ZNF547: variants seen among roughly 807,000 people sequenced by gnomAD.
ZNF547 encodes the protein zinc finger protein 547.
ZNF547 carries 4 observed loss-of-function variants against 7.7 expected under a neutral mutation model. That is an observed-to-expected ratio of 0.52 (90% CI 0.26 to 1.20). ZNF547 has a LOEUF of 1.20. Among genes scored for constraint, ZNF547 ranks in the 50% most tolerant of loss-of-function variants. The pLI, the probability that ZNF547 is intolerant of heterozygous loss-of-function variation, is 0.14. For synonymous variants in ZNF547, 166 were observed against 166.2 expected, an observed-to-expected ratio of 1.00 and a Z score of 0.01; for missense variants, 449 against 485.8, an observed-to-expected ratio of 0.92 and a Z score of 0.71.
At position 57,377,315 on chromosome 19, in the gene ZNF547, ACT is replaced by A. The variant is rs754538745; in HGVS notation, c.340_341del (p.Leu114ValfsTer16). On this transcript the variant is annotated frameshift_variant, in exon 4 of 4. Coordinates refer to ENST00000282282, the MANE Select transcript of ZNF547 (RefSeq NM_173631.4). LOFTEE classifies it low-confidence loss of function (END_TRUNC). ...EHDGTHPEQGLYTCPAHLHQH... is the reference protein window; with the variant it reads ...EHDGTHPEQGXYTCPAHLHQH... ...ATGACGGAACACACCCCGAGCAGGGACTGTACACGTGTCCAGCACATCTTCAC... is the reference window on the plus strand; with the variant it reads ...ATGACGGAACACACCCCGAGCAGGGAGTACACGTGTCCAGCACATCTTCAC... The A allele has an allele frequency of 4.3e-6, 7 of 1,614,092 alleles. No individual in the cohort carries two copies. The highest frequency in any genetic ancestry group is 5.9e-6 in the Non-Finnish European group (7 of 1,180,044).
At chr19:57,365,008 A>G in intron 1 of ZNF547, 1 of 1,612,628 alleles carries the variant, frequency 6.2e-7, no homozygotes, top group Non-Finnish European at 8.5e-7. Flanking sequence ...GTCGAACAAC[A>G]TGTACTTGAA....
chr19:57,365,010 G>A lies in ZNF547; in HGVS notation c.-13+1307G>A, dbSNP rs1425586092. On this transcript the variant is annotated intron_variant, in intron 1 of 3. Coordinates refer to ENST00000282282, the MANE Select transcript of ZNF547 (RefSeq NM_173631.4). ...AGAACATGTGGCTGTCGAACAACAT[G>A]TACTTGAAAACTGTGGACAAGTTCA... The A allele has an allele frequency of 3.1e-6, 5 of 1,612,622 alleles. No individual in the cohort carries two copies. In the South Asian group the frequency reaches 5.5e-5, roughly 18 times the overall value.
intron 3 of ZNF547, among the ~76,000 whole-genome samples, chr19:57,373,553 A>C (rs561734643): frequency 1.3e-5 from 2 of 151,886 alleles, no homozygotes; most frequent in South Asian, 4.2e-4. Context: ...CCAAAGTCTC[A>C]TCTGAGATGA....
intron 3 of ZNF547, among the ~76,000 whole-genome samples, chr19:57,373,344 C>T (rs1269804669): frequency 6.6e-6 from 1 of 152,124 alleles, no homozygotes; most frequent in Non-Finnish European, 1.5e-5. Context: ...TCCACCTGGT[C>T]CCACCCTTGA....
chr19:57,376,786 C>T (rs375201044), intron 3 of ZNF547, among the ~76,000 whole-genome samples: 1 of 152,058 alleles, frequency 6.6e-6, no homozygotes, highest in Non-Finnish European at 1.5e-5. Flanking sequence ...TAATCCTAAA[C>T]GAGTCCTGTT....
chr19:57,367,750 CTT>C (rs1457866267), intron 1 of ZNF547, among the ~76,000 whole-genome samples: 1 of 152,188 alleles, frequency 6.6e-6, no homozygotes, highest in Non-Finnish European at 1.5e-5. Context: ...CAGGGCCACT[CTT>C]TGTGGGAAAA....
rs1313262180 is a variant in ZNF547, at chr19:57,379,078, A to G, written c.*893A>G. The G allele has an allele frequency of 1.8e-5, 3 of 168,138 alleles. No individual in the cohort carries two copies. The highest frequency in any genetic ancestry group is 3.8e-5 in the Non-Finnish European group (3 of 78,242). 10.4% of individuals were successfully genotyped at this position (168,138 alleles called of 1,614,324 possible). A position where few individuals can be genotyped will look rare whatever the true frequency, so the allele number is the denominator to read the frequency against. ...CACATTTCCTTTATTTCTGACATCT[A>G]TTCATGGACACTTGGGTTACTTCTA... is the stretch of plus-strand genomic sequence containing the variant. On this transcript the variant is annotated 3_prime_UTR_variant, in exon 4 of 4. Transcript: ENST00000282282.
In ZNF547 at chr19:57,368,607, C is replaced by T. The variant is rs781229637; in HGVS notation, c.24+28C>T. ...GAGTGGAGTGTTTTCTACCTTTCAC[C>T]TACCAGTTATCTCATAGATGGTTTT... On this transcript the variant is annotated intron_variant, in intron 2 of 3. Transcript: ENST00000282282. 3.1e-6 allele frequency: 5 copies of T among 1,613,004 alleles called. No individual in the cohort carries two copies. In the South Asian group the frequency reaches 4.4e-5, roughly 14 times the overall value.
intron 3 of ZNF547, 127 bp from the exon 4 acceptor site, chr19:57,376,998 CAGT>C: frequency 1.1e-6 from 1 of 918,566 alleles, no homozygotes; most frequent in South Asian, 1.8e-5. Context: ...TGGCCTGCCA[CAGT>C]ACCAGGGTTC....
At chr19:57,368,650 A>C in intron 2 of ZNF547, 71 bp downstream of exon 2, 2 of 1,470,614 alleles carry the variant, frequency 1.4e-6, no homozygotes, top group Non-Finnish European at 1.9e-6. Flanking sequence ...CCATGTAAAG[A>C]AAAGTGGTGT....
At chr19:57,374,340 C>T (rs1482863957) in intron 3 of ZNF547, among the ~76,000 whole-genome samples, 1 of 152,140 alleles carries the variant, frequency 6.6e-6, no homozygotes, top group Non-Finnish European at 1.5e-5. Flanking sequence ...GACCCAGGGC[C>T]AGCAGCTGGG....
Position 57,379,451 on chromosome 19 carries a change from T to A in ZNF547, c.*1266T>A, listed in dbSNP as rs1355285580. The A allele has an allele frequency of 6.6e-6, 1 of 152,212 alleles. No individual in the cohort carries two copies. Among genetic ancestry groups the A allele is most frequent in the Non-Finnish European group, 1.5e-5 (1 of 68,032 alleles). 9.4% of individuals were successfully genotyped at this position (152,212 alleles called of 1,614,324 possible). A position where few individuals can be genotyped will look rare whatever the true frequency, so the allele number is the denominator to read the frequency against. Reference sequence around the variant, plus strand: ...GCAGAGCTTCTCTGTAAATACCCCTTGTTTCTATGTTCTATCCTGTGAGCC... The same window carrying A: ...GCAGAGCTTCTCTGTAAATACCCCTAGTTTCTATGTTCTATCCTGTGAGCC... On this transcript the variant is annotated 3_prime_UTR_variant, in exon 4 of 4. Transcript: ENST00000282282.
At chr19:57,363,950 G>A (rs551048190) in intron 1 of ZNF547, 1 of 152,584 alleles carries the variant, frequency 6.6e-6, no homozygotes, top group African/African-American at 2.4e-5. Context: ...GTTTCTGCGG[G>A]AAAGAGAGGG....
intron 1 of ZNF547, 113 bp from the exon 2 acceptor site, chr19:57,368,431 A>T (rs2088484199): frequency 1.1e-6 from 1 of 941,390 alleles, no homozygotes; most frequent in African/African-American, 1.6e-5. Context: ...GAGTTTATAC[A>T]ATCAACTTGA....
chr19:57,364,312 G>A (rs1221959491), intron 1 of ZNF547: 2 of 155,356 alleles, frequency 1.3e-5, no homozygotes, highest in African/African-American at 4.8e-5. Flanking sequence ...AGCATGAGAA[G>A]TAGGTTTCAT....
chr19:57,378,547 T>G lies in ZNF547; in HGVS notation c.*362T>G. On this transcript the variant is annotated 3_prime_UTR_variant, in exon 4 of 4. Coordinates refer to ENST00000282282, the MANE Select transcript of ZNF547 (RefSeq NM_173631.4). ...GAGTACAGCAAATGTGTGACATTAT[T>G]TTGCTACTACTCCACACTACTTAGA... The G allele has an allele frequency of 2.4e-6, 1 of 417,966 alleles. No individual in the cohort carries two copies. The highest frequency in any genetic ancestry group is 1.9e-5 in the South Asian group (1 of 52,884). 25.9% of individuals were successfully genotyped at this position (417,966 alleles called of 1,614,324 possible).
rs559386495 is a variant in ZNF547, at chr19:57,374,102, A to G, written c.151+2194A>G. Among the ~76,000 whole-genome samples the G allele has an allele frequency of 2.6e-5, 4 of 152,336 alleles. No homozygotes were observed. The South Asian group carries it at 6.2e-4, about 24-fold the overall frequency. On this transcript the variant is annotated intron_variant, in intron 3 of 3. Transcript: ENST00000282282. ...CCCTGCAGCAAACCTCTGCCTGGAC[A>G]TCAGGCATTTCCATACCTCCTCTGA...
intron 1 of ZNF547, chr19:57,364,997 T>C (rs913848165): frequency 1.2e-6 from 2 of 1,612,974 alleles, no homozygotes; most frequent in Admixed American, 3.3e-5. Flanking sequence ...AACATGTGGC[T>C]GTCGAACAAC....
chr19:57,375,411 G>T (rs926372816), intron 3 of ZNF547, among the ~76,000 whole-genome samples: 1 of 152,016 alleles, frequency 6.6e-6, no homozygotes, highest in South Asian at 2.1e-4. Flanking sequence ...AGCACCTTGG[G>T]GGGGCTGAGG....
Sources: allele counts gnomAD v4.1 joint callset (sites outside exome capture counted in the v4.1 genomes callset), GRCh38; gene constraint gnomAD v4.1.1; transcripts MANE v1.5; gene names NCBI Gene and HGNC (gene_info 2026-07-23, HGNC 2026-07-21).